Variants in SGMS1 observed in about 807,000 individuals in gnomAD.
The protein encoded by SGMS1 is sphingomyelin synthase 1.
A neutral mutation model predicts 46.2 loss-of-function variants in SGMS1; 13 were observed. The ratio of observed to expected loss-of-function variants is 0.28; its 90% confidence interval spans 0.18 to 0.45. The LOEUF is 0.45. Among genes scored for constraint, SGMS1 ranks in the 20% least tolerant of loss-of-function variants. The probability of loss-of-function intolerance (pLI) is 1.00; values close to 1 mark genes in which losing one functional copy is unlikely to be tolerated. For missense variants in SGMS1, 324 were observed against 519.9 expected (o/e 0.62, Z 3.66); for synonymous variants, 203 against 187.8 (o/e 1.08, Z -0.66).
At chr10:50,309,507 C>T (rs570088041) in intron 9 of SGMS1, among the ~76,000 whole-genome samples, 3 of 152,206 alleles carry the variant, frequency 2.0e-5, no homozygotes, top group Admixed American at 6.5e-5. Flanking sequence ...AAGCCTTGAC[C>T]CCGTTAAAGA....
At chr10:50,423,357 A>G (rs1849279909) in intron 6 of SGMS1, among the ~76,000 whole-genome samples, 1 of 152,240 alleles carries the variant, frequency 6.6e-6, no homozygotes, top group Non-Finnish European at 1.5e-5. Flanking sequence ...AATTTTAAAA[A>G]TTGCCAGAAA....
At chr10:50,318,169 C>T (rs1215000552) in intron 8 of SGMS1, among the ~76,000 whole-genome samples, 1 of 152,200 alleles carries the variant, frequency 6.6e-6, no homozygotes, top group African/African-American at 2.4e-5. Flanking sequence ...CTTCTCTCTT[C>T]TTAAACAAAG....
intron 6 of SGMS1, among the ~76,000 whole-genome samples, chr10:50,412,189 G>C (rs533672375): frequency 6.6e-6 from 1 of 152,262 alleles, no homozygotes; most frequent in African/African-American, 2.4e-5. Flanking sequence ...GAGGATTCAA[G>C]TCACATGTTT....
At chr10:50,539,015 C>T (rs935730881) in intron 2 of SGMS1, among the ~76,000 whole-genome samples, 2 of 152,248 alleles carry the variant, frequency 1.3e-5, no homozygotes, top group African/African-American at 2.4e-5. Context: ...TTGGCAATGC[C>T]AACTTTTAAA....
At chr10:50,565,724 T>A (rs1384163023) in intron 2 of SGMS1, among the ~76,000 whole-genome samples, 1 of 152,180 alleles carries the variant, frequency 6.6e-6, no homozygotes, top group African/African-American at 2.4e-5. Context: ...AACATAATAG[T>A]GTCCAGGGTC....
chr10:50,380,576 T>G (rs1848587864), intron 6 of SGMS1, among the ~76,000 whole-genome samples: 3 of 152,038 alleles, frequency 2.0e-5, no homozygotes, highest in Admixed American at 2.0e-4. Context: ...GCAGAATCAG[T>G]ACAGAAACGT....
At chr10:50,471,886 A>G (rs951583671) in intron 3 of SGMS1, among the ~76,000 whole-genome samples, 2 of 152,206 alleles carry the variant, frequency 1.3e-5, no homozygotes, top group Admixed American at 1.3e-4. Context: ...CTTCTACATT[A>G]TTTAATCCTA....
chr10:50,357,111 T>A (rs1322488210), intron 6 of SGMS1, among the ~76,000 whole-genome samples: 2 of 151,966 alleles, frequency 1.3e-5, no homozygotes, highest in Non-Finnish European at 2.9e-5. Context: ...CACGTGTTCA[T>A]TATAGATTCT....
chr10:50,617,298 T>C (rs1838807393), intron 1 of SGMS1, among the ~76,000 whole-genome samples: 1 of 152,332 alleles, frequency 6.6e-6, no homozygotes, highest in South Asian at 2.1e-4. Context: ...ATCAGTATGT[T>C]GAATGAAAGG....
chr10:50,562,710 AT>A (rs918438345), intron 2 of SGMS1, among the ~76,000 whole-genome samples: 23 of 152,046 alleles, frequency 1.5e-4, no homozygotes, highest in South Asian at 2.1e-4. Context: ...TGCCCGGCTA[AT>A]TTTTTTGTAT....
chr10:50,321,812 G>A (rs1412931671), intron 8 of SGMS1, among the ~76,000 whole-genome samples: 1 of 152,214 alleles, frequency 6.6e-6, no homozygotes, highest in Non-Finnish European at 1.5e-5. Flanking sequence ...AAGTAAGAAA[G>A]AACTGAAGAA....
At chr10:50,609,295 T>G (rs1470493743) in intron 1 of SGMS1, among the ~76,000 whole-genome samples, 1 of 152,136 alleles carries the variant, frequency 6.6e-6, no homozygotes. Context: ...GCATTGTTAT[T>G]TTTTGGCTTT....
intron 6 of SGMS1, among the ~76,000 whole-genome samples, chr10:50,424,688 T>TAA (rs1849298589): frequency 6.6e-6 from 1 of 152,044 alleles, no homozygotes. Context: ...ATAGGGAACT[T>TAA]AAACATTCAA....
intron 6 of SGMS1, among the ~76,000 whole-genome samples, chr10:50,425,782 T>C (rs1282352663): frequency 6.6e-6 from 1 of 152,254 alleles, no homozygotes; most frequent in East Asian, 1.9e-4. Flanking sequence ...TATTTAAACA[T>C]GTTTTGTAGA....
At chr10:50,541,272 G>C (rs987483169) in intron 2 of SGMS1, among the ~76,000 whole-genome samples, 1 of 152,156 alleles carries the variant, frequency 6.6e-6, no homozygotes, top group Non-Finnish European at 1.5e-5. Flanking sequence ...ATGTTACCAT[G>C]TAAGTCTCTG....
At chr10:50,543,934 C>T (rs1564428230) in intron 2 of SGMS1, among the ~76,000 whole-genome samples, 2 of 152,194 alleles carry the variant, frequency 1.3e-5, no homozygotes, top group Non-Finnish European at 2.9e-5. Context: ...GAACGTAGTG[C>T]TACAGCCCCA....
intron 3 of SGMS1, among the ~76,000 whole-genome samples, chr10:50,499,794 T>C (rs1837645929): frequency 6.6e-6 from 1 of 152,232 alleles, no homozygotes; most frequent in Non-Finnish European, 1.5e-5. Context: ...CTTCTCTTGA[T>C]TAGTTAATTA....
At chr10:50,311,563 T>C (rs1255673418) in intron 8 of SGMS1, 148 bp from the exon 9 acceptor site, 1 of 318,240 alleles carries the variant, frequency 3.1e-6, no homozygotes, top group Non-Finnish European at 5.9e-6. Context: ...GTGTTTACCA[T>C]TCCAAGAGTA....
intron 6 of SGMS1, among the ~76,000 whole-genome samples, chr10:50,385,596 G>C (rs1160696516): frequency 1.3e-5 from 2 of 152,130 alleles, no homozygotes; most frequent in African/African-American, 4.8e-5. Context: ...TTTTAAGCGA[G>C]TTGTCATGTT....
Sources: allele counts gnomAD v4.1 joint callset (sites outside exome capture counted in the v4.1 genomes callset), GRCh38; gene constraint gnomAD v4.1.1; transcripts MANE v1.5; gene names NCBI Gene and HGNC (gene_info 2026-07-23, HGNC 2026-07-21).